The following ASNS variants were observed in gnomAD, a reference collection of about 807,000 sequenced individuals.
ASNS encodes asparagine synthetase (glutamine-hydrolyzing), also known as asparagine synthetase [glutamine-hydrolyzing].
In ASNS, 37 loss-of-function variants were observed where a neutral mutation model predicts 62.6. The ratio of observed to expected loss-of-function variants is 0.59; its 90% CI spans 0.45 to 0.78. The LOEUF (loss-of-function observed/expected upper bound fraction) is 0.78. ASNS is among the 30% of genes least tolerant of loss of function. ASNS has a pLI of 0.00. For synonymous variants in ASNS, 207 were observed against 237.9 expected (o/e 0.87, Z 1.19); for missense variants, 520 against 682.4 (o/e 0.76, Z 2.65).
At chr7:97,864,082 A>G in intron 4 of ASNS, 177 bp downstream of exon 4, 1 of 570,168 alleles carries the variant, frequency 1.8e-6, no homozygotes, top group South Asian at 2.9e-5. Flanking sequence ...AGGATTACAG[A>G]ATTTAAGTGC....
upstream of ASNS, among the ~76,000 whole-genome samples, chr7:97,875,263 C>T (rs1312707754): frequency 1.3e-5 from 2 of 152,102 alleles, no homozygotes; most frequent in African/African-American, 4.8e-5. Flanking sequence ...CTCCTGCCTC[C>T]TGAGTAGCTG....
In ASNS at chr7:97,852,315, C is replaced by T. The variant is rs1562811035; in HGVS notation, c.1630G>A (p.Ala544Thr). The change falls in exon 13 of 13, where the codon GCC (alanine) becomes ACC (threonine). Residue 544 changes from alanine (A) to threonine (T), a missense_variant. Physicochemically the swap from Ala to Thr is moderately conservative, Grantham distance 58. Transcript: ENST00000394308. ...SHYWMPKWIN[A>T]TDPSARTLTH... Reference sequence around the variant, plus strand: ...AGCGTGCGGGCAGAAGGGTCAGTGGCATTGATCCACTTGGGCATCCAGTAA... The same window carrying T: ...AGCGTGCGGGCAGAAGGGTCAGTGGTATTGATCCACTTGGGCATCCAGTAA... The T allele has an allele frequency of 9.3e-6, 15 of 1,614,132 alleles. No individual in the cohort carries two copies. The highest frequency in any genetic ancestry group is 1.2e-5 in the Non-Finnish European group (14 of 1,180,018).
the ASNS span, among the ~76,000 whole-genome samples, chr7:97,889,927 C>CAAAAAAAAAAAAAAA: frequency 9.7e-3 from 372 of 38,536 alleles, 2 homozygotes; most frequent in East Asian, 0.013. Context: ...ATAATGAATA[C>CAAAAAAAAAAAAAAA]AAAAAAAAAA....
the ASNS span, among the ~76,000 whole-genome samples, chr7:97,926,746 T>C: frequency 6.6e-6 from 1 of 152,214 alleles, no homozygotes; most frequent in Non-Finnish European, 1.5e-5. Flanking sequence ...AGTTCCTCCA[T>C]CATCCTTCAG....
At chr7:97,907,026 A>G in the ASNS span, among the ~76,000 whole-genome samples, 1 of 152,242 alleles carries the variant, frequency 6.6e-6, no homozygotes, top group African/African-American at 2.4e-5. Context: ...ATCCTCATCC[A>G]GAATACCTCA....
intron 1 of ASNS, among the ~76,000 whole-genome samples, chr7:97,871,426 C>A (rs1489338473): frequency 6.6e-6 from 1 of 152,060 alleles, no homozygotes; most frequent in Non-Finnish European, 1.5e-5. Flanking sequence ...CAGTAAGTAA[C>A]CAACTACAGA....
At chr7:97,879,388 A>G in the ASNS span, among the ~76,000 whole-genome samples, 1 of 152,234 alleles carries the variant, frequency 6.6e-6, no homozygotes, top group African/African-American at 2.4e-5. Flanking sequence ...AATTTTTGCT[A>G]TCTACTCGTC....
chr7:97,872,012 G>T (rs1180915209), intron 1 of ASNS: 1 of 134,162 alleles, frequency 7.5e-6, no homozygotes, highest in Non-Finnish European at 1.6e-5. Context: ...ACGCCACATA[G>T]TAAAAAAAAG....
chr7:97,918,613 G>T, the ASNS span, among the ~76,000 whole-genome samples: 7 of 152,256 alleles, frequency 4.6e-5, no homozygotes, highest in East Asian at 1.3e-3. Context: ...TTTAAAAAAG[G>T]TTACAATAAA....
chr7:97,852,426 A>G lies in ASNS; in HGVS notation c.1519T>C (p.Phe507Leu), dbSNP rs767577039. ...MMANAAQKFP[F>L]NTPKTKEGYY... ...CCTTCTTTGGTTTTAGGAGTATTGA[A>G]GGGAAATTTCTGGGCTGCATTTGCC... is the stretch of plus-strand genomic sequence containing the variant. The change falls in exon 13 of 13, where the codon TTC (phenylalanine) becomes CTC (leucine). Residue 507 changes from phenylalanine to leucine, a missense_variant. Coordinates refer to ENST00000394308, the MANE Select transcript of ASNS (RefSeq NM_001673.5). 6.2e-7 allele frequency: 1 copy of G among 1,614,206 alleles called. No individual in the cohort carries two copies. Among genetic ancestry groups the G allele is most frequent in the South Asian group, 1.1e-5 (1 of 91,084 alleles).
chr7:97,904,313 C>CAT, the ASNS span, among the ~76,000 whole-genome samples: 1 of 146,066 alleles, frequency 6.8e-6, no homozygotes, highest in African/African-American at 2.6e-5. Context: ...CACACACACA[C>CAT]ACACAGAGAG....
chr7:97,911,555 T>C, the ASNS span, among the ~76,000 whole-genome samples: 24 of 151,324 alleles, frequency 1.6e-4, no homozygotes, highest in Admixed American at 7.9e-4. Flanking sequence ...GGTGGGAGGA[T>C]CACCTGAGCC....
the ASNS span, among the ~76,000 whole-genome samples, chr7:97,924,848 T>C: frequency 2.0e-5 from 3 of 152,186 alleles, no homozygotes; most frequent in South Asian, 6.2e-4. Context: ...GTTACAATGC[T>C]ATGCCCAGCC....
At chr7:97,909,261 T>A in the ASNS span, among the ~76,000 whole-genome samples, 1 of 148,272 alleles carries the variant, frequency 6.7e-6, no homozygotes, top group Non-Finnish European at 1.5e-5. Context: ...TCCCCCAACA[T>A]CCCCAAGCTC....
chr7:97,882,626 T>TAAATAAATAAAG, the ASNS span, among the ~76,000 whole-genome samples: 1 of 74,276 alleles, frequency 1.3e-5, no homozygotes. Flanking sequence ...AGAGAGAGAT[T>TAAATAAATAAAG]AAATAAATAA....
chr7:97,915,624 G>C, the ASNS span, among the ~76,000 whole-genome samples: 1 of 152,140 alleles, frequency 6.6e-6, no homozygotes, highest in African/African-American at 2.4e-5. Flanking sequence ...CTGTGACTGA[G>C]TCAGTGTGGC....
the ASNS span, among the ~76,000 whole-genome samples, chr7:97,919,088 A>C: frequency 6.6e-6 from 1 of 152,032 alleles, no homozygotes; most frequent in Non-Finnish European, 1.5e-5. Flanking sequence ...TTTTGGAAAC[A>C]TAGTCTCGCT....
chr7:97,918,171 A>T, the ASNS span, among the ~76,000 whole-genome samples: 209 of 152,278 alleles, frequency 1.4e-3, no homozygotes, highest in African/African-American at 4.8e-3. Context: ...GACTGGTGTG[A>T]GTAAAAGAAA....
chr7:97,922,569 G>C, the ASNS span, among the ~76,000 whole-genome samples: 2 of 152,058 alleles, frequency 1.3e-5, no homozygotes, highest in African/African-American at 4.8e-5. Context: ...ATCACTAAGA[G>C]AGCAGATTTT....
Sources: allele counts gnomAD v4.1 joint callset (sites outside exome capture counted in the v4.1 genomes callset), GRCh38; gene constraint gnomAD v4.1.1; transcripts MANE v1.5; gene names NCBI Gene and HGNC (gene_info 2026-07-23, HGNC 2026-07-21).